Variants in PXMP4 observed in about 807,000 individuals in gnomAD.
PXMP4 encodes 24 kDa peroxisomal intrinsic membrane protein.
PXMP4 carries 16 observed loss-of-function variants against 21.6 expected under a neutral mutation model. That is an observed-to-expected ratio of 0.74 (90% CI 0.50 to 1.13). PXMP4 has a LOEUF of 1.13. Ranked by LOEUF, PXMP4 falls within the 50% of genes most tolerant of loss-of-function variation. PXMP4 has a pLI of 0.00. For synonymous variants in PXMP4, 127 were observed against 123.8 expected (o/e 1.03, Z -0.17); for missense variants, 240 against 277.7 (o/e 0.86, Z 0.96).
intron 3 of PXMP4, among the ~76,000 whole-genome samples, chr20:33,709,132 T>C (rs2018295087): frequency 6.6e-6 from 1 of 152,092 alleles, no homozygotes; most frequent in Admixed American, 6.6e-5. Flanking sequence ...CCATCTCTAC[T>C]AAAAATACAA....
chr20:33,718,678 G>C (rs2018412469), intron 1 of PXMP4, among the ~76,000 whole-genome samples: 1 of 152,064 alleles, frequency 6.6e-6, no homozygotes, highest in Non-Finnish European at 1.5e-5. Flanking sequence ...AGGCATCCTT[G>C]GGTTTGAATC....
In PXMP4 at chr20:33,705,717, G is replaced by T. The variant is rs931725751; in HGVS notation, c.*1989C>A. The T allele has an allele frequency of 6.6e-6, 1 of 151,954 alleles. No homozygotes were observed. Among genetic ancestry groups the T allele is most frequent in the Non-Finnish European group, 1.5e-5 (1 of 68,030 alleles). The allele number at this position is 151,954 out of a possible 1,614,324, so 9.4% of individuals were successfully genotyped here. The stretch of plus-strand genomic sequence containing the variant: ...TCATTGTAGGCCCCTATGGGCATTT[G>T]AATGTGTACCCCTTTCTGGCCCATA... On this transcript the variant is annotated 3_prime_UTR_variant, in exon 4 of 4. Transcript: ENST00000409299.
chr20:33,710,593 T>C lies in PXMP4; in HGVS notation c.337A>G (p.Ile113Val). ...TTATTGTTTTCTCCAAACACCAGGA[T>C]ACCCCCGAGGAAGGCCGCCAGGAAT... ...HAFLAAFLGG[I>V]LVFGENNNIN... Residue 113 changes from isoleucine to valine, a missense_variant, in exon 3 of 4, where the codon ATC becomes GTC. Transcript: ENST00000409299. 6.2e-7 allele frequency: 1 copy of C among 1,607,548 alleles called. No homozygotes were observed. Among genetic ancestry groups the C allele is most frequent in the East Asian group, 2.3e-5 (1 of 44,396 alleles).
chr20:33,708,349 G>A (rs2018286968), intron 3 of PXMP4, among the ~76,000 whole-genome samples: 1 of 151,278 alleles, frequency 6.6e-6, no homozygotes, highest in African/African-American at 2.4e-5. Flanking sequence ...ACCATGCCCA[G>A]CTAGTTTTTA....
intron 1 of PXMP4, among the ~76,000 whole-genome samples, chr20:33,718,289 T>C (rs1046629640): frequency 6.6e-6 from 1 of 151,972 alleles, no homozygotes; most frequent in Non-Finnish European, 1.5e-5. Flanking sequence ...GACAGGCCGA[T>C]CACGAGGTCA....
chr20:33,715,313 G>A (rs1484554469), intron 1 of PXMP4, among the ~76,000 whole-genome samples: 1 of 151,702 alleles, frequency 6.6e-6, no homozygotes, highest in Non-Finnish European at 1.5e-5. Context: ...GCTAATTTTT[G>A]TATTTTTAGT....
At chr20:33,718,500 C>G (rs73622545) in intron 1 of PXMP4, among the ~76,000 whole-genome samples, 42 of 104,294 alleles carry the variant, frequency 4.0e-4, no homozygotes, top group African/African-American at 1.7e-3. Context: ...AACAGAGCGA[C>G]ACTCCATCTC....
chr20:33,710,839 C>G, intron 2 of PXMP4, 86 bp from the exon 3 acceptor site: 2 of 1,314,996 alleles, frequency 1.5e-6, no homozygotes, highest in South Asian at 1.5e-5. Context: ...TAACAACCAG[C>G]CAAGGAGCTC....
Position 33,714,670 on chromosome 20 carries a change from G to A in PXMP4, c.176+4C>T, listed in dbSNP as rs1275185726. 2 of 1,613,628 alleles carry A rather than the reference G, an allele frequency of 1.2e-6. No homozygotes were observed. The highest frequency in any genetic ancestry group is 1.7e-6 in the Non-Finnish European group (2 of 1,179,544). On this transcript the variant is annotated splice_donor_region_variant and intron_variant, in intron 2 of 3. Transcript: ENST00000409299. ...CATTCTCTCCCAGTTTGAGGGATGT[G>A]TACCTGCCATTCCGGAAGAGAAAGG...
intron 1 of PXMP4, among the ~76,000 whole-genome samples, 154 bp downstream of exon 1, chr20:33,719,941 A>G (rs962575404): frequency 3.9e-5 from 6 of 152,192 alleles, no homozygotes; most frequent in African/African-American, 1.4e-4. Context: ...GCCAAAATCC[A>G]GCTCCCATTG....
At chr20:33,719,780 G>A (rs2018426512) in intron 1 of PXMP4, among the ~76,000 whole-genome samples, 1 of 152,198 alleles carries the variant, frequency 6.6e-6, no homozygotes, top group Non-Finnish European at 1.5e-5. Flanking sequence ...AGGCCCAAAG[G>A]CACACAGAGA....
At chr20:33,717,647 A>AAAAAAG (rs1045979602) in intron 1 of PXMP4, among the ~76,000 whole-genome samples, 3 of 147,364 alleles carry the variant, frequency 2.0e-5, no homozygotes, top group African/African-American at 7.7e-5. Context: ...CTCAAAAAAA[A>AAAAAAG]AAAAAAAAAA....
rs145235084 is a variant in PXMP4 at position 33,707,762 on chromosome 20, C to G, written c.583G>C (p.Val195Leu). The change falls in exon 4 of 4, where the codon GTA becomes CTA. Residue 195 changes from valine to leucine, a missense_variant. Coordinates refer to ENST00000409299, the MANE Select transcript of PXMP4 (RefSeq NM_007238.5). ...SMTYLYEDSN[V>L]WHDISDFLVY... ...AGGAAGTCTGAGATGTCGTGCCATA[C>G]ATTGCTGTCCTCATAGAGGTAGGTC... The G allele has an allele frequency of 8.4e-5, 136 of 1,614,076 alleles. No homozygotes were observed. Among genetic ancestry groups the G allele is most frequent in the Non-Finnish European group, 1.1e-4 (127 of 1,180,050 alleles).
intron 3 of PXMP4, among the ~76,000 whole-genome samples, chr20:33,708,335 G>A (rs1425240280): frequency 1.3e-5 from 2 of 151,116 alleles, no homozygotes; most frequent in East Asian, 2.0e-4. Flanking sequence ...TACAGGTGGC[G>A]CCCACCATGC....
Position 33,707,621 on chromosome 20 carries a change from C to T in PXMP4, c.*85G>A. On this transcript the variant is annotated 3_prime_UTR_variant, in exon 4 of 4. Coordinates refer to ENST00000409299, the MANE Select transcript of PXMP4 (RefSeq NM_007238.5). Reference sequence around the variant, plus strand: ...GGATAACACCAGTTGGAGTCTGAGGCCTATGATCTTGAGAAGGCAGTATCC... The same window carrying T: ...GGATAACACCAGTTGGAGTCTGAGGTCTATGATCTTGAGAAGGCAGTATCC... The T allele has an allele frequency of 1.3e-6, 2 of 1,515,332 alleles. No individual in the cohort carries two copies. Among genetic ancestry groups the T allele is most frequent in the Admixed American group, 3.8e-5 (2 of 52,784 alleles). The allele number at this position is 1,515,332 out of a possible 1,614,324, so 93.9% of individuals were successfully genotyped here.
rs1230507246 is a variant in PXMP4 at position 33,703,455 on chromosome 20, C to G, written c.*4251G>C. ...GGGCCAGGGCTTGAGCCCAGGCACT[C>G]TGGCTCCAAAGCCTATGTCCCTGAC... On this transcript the variant is annotated 3_prime_UTR_variant, in exon 4 of 4. Transcript: ENST00000409299. The G allele has an allele frequency of 1.3e-5, 2 of 152,284 alleles. No individual in the cohort carries two copies. Among genetic ancestry groups the G allele is most frequent in the East Asian group, 3.8e-4 (2 of 5,202 alleles). The allele number at this position is 152,284 out of a possible 1,614,324, so 9.4% of individuals were successfully genotyped here. A position where few individuals can be genotyped will look rare whatever the true frequency, so the allele number is the denominator to read the frequency against.
At chr20:33,712,188 C>A (rs1349122812) in intron 2 of PXMP4, among the ~76,000 whole-genome samples, 1 of 152,150 alleles carries the variant, frequency 6.6e-6, no homozygotes, top group Non-Finnish European at 1.5e-5. Context: ...CAAACACAGG[C>A]CCCAGTGTTG....
At chr20:33,710,849 C>T (rs982358293) in intron 2 of PXMP4, 96 bp from the exon 3 acceptor site, 7 of 1,212,890 alleles carry the variant, frequency 5.8e-6, no homozygotes, top group Middle Eastern at 2.9e-4. Context: ...CCAAGGAGCT[C>T]GGAGTAATGC....
At chr20:33,717,168 ACT>A (rs1432326624) in intron 1 of PXMP4, among the ~76,000 whole-genome samples, 3 of 151,956 alleles carry the variant, frequency 2.0e-5, no homozygotes, top group Admixed American at 6.6e-5. Flanking sequence ...GCAGACTAAG[ACT>A]CTGTCTCAAA....
Sources: gnomAD v4.1 joint callset for allele counts (sites outside exome capture counted in the v4.1 genomes callset) on GRCh38, gnomAD v4.1.1 for gene constraint, MANE v1.5 for transcripts, NCBI Gene and HGNC (gene_info 2026-07-23, HGNC 2026-07-21) for gene names.